ZNRF3: variants seen among roughly 807,000 people sequenced by gnomAD.
ZNRF3 encodes E3 ubiquitin-protein ligase ZNRF3.
In ZNRF3, 23 loss-of-function variants were observed where a neutral mutation model predicts 72.5. The ratio of observed to expected loss-of-function variants is 0.32; its 90% CI spans 0.23 to 0.45. The LOEUF is 0.45. Among genes scored for constraint, ZNRF3 ranks in the 20% least tolerant of loss-of-function variants. The pLI is 1.00. For synonymous variants in ZNRF3, 610 were observed against 545.3 expected, an observed-to-expected ratio of 1.12 and a Z score of -1.65; for missense variants, 1,169 against 1,272.1, an observed-to-expected ratio of 0.92 and a Z score of 1.23.
chr22:28,912,232 C>G (rs777466840), intron 1 of ZNRF3, among the ~76,000 whole-genome samples: 3 of 152,196 alleles, frequency 2.0e-5, no homozygotes, highest in Non-Finnish European at 4.4e-5. Flanking sequence ...CTGGCCAGAA[C>G]CAAAGCACGT....
In ZNRF3 at chr22:29,049,997, C is replaced by T. The variant is rs557827738; in HGVS notation, c.1816C>T (p.Arg606Cys). 1,126 of 1,612,144 alleles carry T rather than the reference C, an allele frequency of 7.0e-4. 16 individuals are homozygous for T. The South Asian group carries it at 0.012, about 17-fold the overall frequency. ...CATCTACCGCAGCCGGAGCCCCTGT[C>T]GTGCCAGTGAGGCGGGGGGCTCGGG... ...PFIYRSRSPCRASEAGGSGSS... is the reference protein window; with the variant it reads ...PFIYRSRSPCCASEAGGSGSS... The change falls in exon 8 of 9, where the codon CGT (arginine) becomes TGT (cysteine). Residue 606 changes from arginine to cysteine, a missense_variant. Physicochemically the swap from Arg to Cys is radical, Grantham distance 180. This residue lies in a region of ZNRF3 where 783 missense variants were observed against 731.4 expected (regional missense o/e 1.07). Transcript: ENST00000544604. The surrounding 1 kb of genome is among the most constrained non-coding windows in gnomAD (Gnocchi z 5.2).
chr22:28,934,773 G>C (rs2034788971), intron 1 of ZNRF3, among the ~76,000 whole-genome samples: 1 of 148,036 alleles, frequency 6.8e-6, no homozygotes. Context: ...AGCCGAGATA[G>C]TGCCACTGCA....
chr22:29,003,391 G>A (rs2123845009), intron 2 of ZNRF3, among the ~76,000 whole-genome samples: 1 of 151,982 alleles, frequency 6.6e-6, no homozygotes, highest in East Asian at 1.9e-4. Flanking sequence ...GTGGTGGCGG[G>A]CGCCTGTAGT....
At chr22:28,911,844 G>T (rs1410202122) in intron 1 of ZNRF3, among the ~76,000 whole-genome samples, 2 of 152,102 alleles carry the variant, frequency 1.3e-5, no homozygotes, top group African/African-American at 4.8e-5. Flanking sequence ...TCTTGAACAT[G>T]GTCCTTTAGG....
At chr22:29,024,284 G>GTTTTTTTTTTTTT (rs59532780) in intron 2 of ZNRF3, among the ~76,000 whole-genome samples, 3 of 127,822 alleles carry the variant, frequency 2.3e-5, no homozygotes, top group African/African-American at 8.6e-5. Context: ...GGCATTAACT[G>GTTTTTTTTTTTTT]TTTTTTTTTT....
intron 1 of ZNRF3, among the ~76,000 whole-genome samples, chr22:28,983,375 C>G (rs117116195): frequency 6.6e-6 from 1 of 152,130 alleles, no homozygotes; most frequent in South Asian, 2.1e-4. Flanking sequence ...TCTGCATGCC[C>G]GGACACGCTC....
chr22:28,965,693 ACT>A (rs2035446819), intron 1 of ZNRF3, among the ~76,000 whole-genome samples: 1 of 152,178 alleles, frequency 6.6e-6, no homozygotes, highest in South Asian at 2.1e-4. Context: ...GATAGAGAAG[ACT>A]CTGAAAGTGA....
At chr22:28,977,220 C>T (rs1192731266) in intron 1 of ZNRF3, among the ~76,000 whole-genome samples, 4 of 152,184 alleles carry the variant, frequency 2.6e-5, no homozygotes, top group Non-Finnish European at 5.9e-5. Flanking sequence ...TCAGGCCGTT[C>T]CCAGCTGGAA....
At chr22:28,903,773 A>T (rs1238630676) in intron 1 of ZNRF3, among the ~76,000 whole-genome samples, 1 of 152,146 alleles carries the variant, frequency 6.6e-6, no homozygotes, top group Non-Finnish European at 1.5e-5. Flanking sequence ...GTCAAGGCCA[A>T]AGAAAGGATT....
At chr22:28,913,786 C>G (rs1178325360) in intron 1 of ZNRF3, among the ~76,000 whole-genome samples, 1 of 152,126 alleles carries the variant, frequency 6.6e-6, no homozygotes, top group Non-Finnish European at 1.5e-5. Flanking sequence ...GTCAAGTAGC[C>G]TGTCTTGTAG....
At chr22:28,978,706 C>T (rs1202028581) in intron 1 of ZNRF3, among the ~76,000 whole-genome samples, 1 of 151,450 alleles carries the variant, frequency 6.6e-6, no homozygotes, top group East Asian at 2.0e-4. Context: ...GTTTCACCTT[C>T]ACCACCCCTG....
chr22:28,980,266 G>A (rs2035742829), intron 1 of ZNRF3, among the ~76,000 whole-genome samples: 1 of 152,122 alleles, frequency 6.6e-6, no homozygotes, highest in African/African-American at 2.4e-5. Context: ...ATTACTTAAT[G>A]GGTACCATTT....
In ZNRF3 at chr22:29,050,501, T is replaced by C; in HGVS notation, c.2320T>C (p.Tyr774His). The C allele has an allele frequency of 6.2e-7, 1 of 1,612,664 alleles. No homozygotes were observed. Among genetic ancestry groups the C allele is most frequent in the Non-Finnish European group, 8.5e-7 (1 of 1,179,866 alleles). ...DHLPRTDGVK[Y>H]EGLPCCFYEE... ...TTTGCCCAGGACAGATGGGGTGAAA[T>C]ACGAGGGTCTGCCCTGCTGCTTCTA... is the stretch of plus-strand genomic sequence containing the variant. Residue 774 changes from tyrosine to histidine, a missense_variant, in exon 8 of 9, where the codon TAC becomes CAC. Transcript: ENST00000544604.
intron 2 of ZNRF3, among the ~76,000 whole-genome samples, chr22:29,016,231 C>T (rs1032814039): frequency 4.6e-5 from 7 of 152,170 alleles, no homozygotes; most frequent in African/African-American, 9.7e-5. Flanking sequence ...GAAGTGTCCA[C>T]TCAGCCCCTG....
rs1162446194 is a variant in ZNRF3, at chr22:28,917,567, A to T, written c.300+33501A>T. 7.7e-6 allele frequency: 4 copies of T among 517,032 alleles called. No homozygotes were observed. In the African/African-American group the frequency reaches 8.3e-5, roughly 11 times the overall value. The allele number at this position is 517,032 out of a possible 1,614,324, so 32.0% of individuals were successfully genotyped here. ...TTGAAGAGTATATAAAAGCTCTTAT[A>T]GCTGGGTGCCTATAGTCCCAGCTAC... On this transcript the variant is annotated intron_variant, in intron 1 of 8. Coordinates refer to ENST00000544604, the MANE Select transcript of ZNRF3 (RefSeq NM_001206998.2).
chr22:29,050,615 G>C lies in ZNRF3; in HGVS notation c.2434G>C (p.Glu812Gln). 6.2e-7 allele frequency: 1 copy of C among 1,610,432 alleles called. No individual in the cohort carries two copies. The highest frequency in any genetic ancestry group is 8.5e-7 in the Non-Finnish European group (1 of 1,178,802). Reference protein sequence around the residue: ...YSVSVQYTLTEEPPPGCYPGA... With the variant: ...YSVSVQYTLTQEPPPGCYPGA... ...GGTGAGTGTGCAGTACACGCTCACCGAGGAACCACCGCCCGGCTGCTACCC... is the reference window on the plus strand; with the variant it reads ...GGTGAGTGTGCAGTACACGCTCACCCAGGAACCACCGCCCGGCTGCTACCC... Residue 812 changes from glutamate to glutamine, a missense_variant, in exon 8 of 9, where the codon GAG becomes CAG. This residue lies in a region of ZNRF3 where 783 missense variants were observed against 731.4 expected (regional missense o/e 1.07). Transcript: ENST00000544604.
chr22:28,940,918 T>C (rs1264852666), intron 1 of ZNRF3, among the ~76,000 whole-genome samples: 1 of 152,240 alleles, frequency 6.6e-6, no homozygotes, highest in African/African-American at 2.4e-5. Flanking sequence ...GTTCATTTTA[T>C]GGACAGTTGT....
Position 28,883,599 on chromosome 22 carries a change from A to C in ZNRF3, c.-168A>C. 1 of 645,356 alleles carries C rather than the reference A, an allele frequency of 1.5e-6. No homozygotes were observed. The highest frequency in any genetic ancestry group is 1.9e-6 in the Non-Finnish European group (1 of 519,820). 40.0% of individuals were successfully genotyped at this position (645,356 alleles called of 1,614,324 possible). On this transcript the variant is annotated 5_prime_UTR_variant, in exon 1 of 9. Coordinates refer to ENST00000544604, the MANE Select transcript of ZNRF3 (RefSeq NM_001206998.2). This position sits in a 1 kb window ranked among gnomAD's most constrained non-coding sequence, Gnocchi z 5.5. ...TAACCCCTCACGTGGAGCAGATGAA[A>C]GGGCCGCGGCGCGACGGCCGGGGGA... is the stretch of plus-strand genomic sequence containing the variant.
In ZNRF3 at chr22:28,929,648, T is replaced by C. The variant is rs560220354; in HGVS notation, c.300+45582T>C. On this transcript the variant is annotated intron_variant, in intron 1 of 8. Coordinates refer to ENST00000544604, the MANE Select transcript of ZNRF3 (RefSeq NM_001206998.2). Reference sequence around the variant, plus strand: ...CCATCCCAATCTGAAAATCCAGAAGTGTCTAGATGTCCACTGGCCAAGGGA... The same window carrying C: ...CCATCCCAATCTGAAAATCCAGAAGCGTCTAGATGTCCACTGGCCAAGGGA... 9.2e-5 allele frequency among the ~76,000 whole-genome samples: 14 copies of C among 152,328 alleles called. No homozygotes were observed. The East Asian group carries it at 2.7e-3, about 29-fold the overall frequency.
Sources: gnomAD v4.1 joint callset for allele counts (sites outside exome capture counted in the v4.1 genomes callset) on GRCh38, gnomAD v4.1.1 for gene constraint, gnomAD v4.1.1 regional missense constraint, Gnocchi (gnomAD v3.1) non-coding constraint, MANE v1.5 for transcripts, NCBI Gene and HGNC (gene_info 2026-07-23, HGNC 2026-07-21) for gene names.